PCDHGA11: variants seen among roughly 807,000 people sequenced by gnomAD.
The protein encoded by PCDHGA11 is protocadherin gamma subfamily A, 11.
Under a neutral mutation model 60.4 loss-of-function variants are expected in PCDHGA11, and 39 were observed. The observed-to-expected ratio is 0.65, with a 90% CI of 0.50 to 0.84. PCDHGA11 has a LOEUF of 0.84. Ranked by LOEUF, PCDHGA11 falls within the 40% of genes least tolerant of loss-of-function variation. The pLI, the probability that PCDHGA11 is intolerant of heterozygous loss-of-function variation, is 0.00. For synonymous variants in PCDHGA11, 533 were observed against 510.3 expected (o/e 1.04, Z -0.60); for missense variants, 1,165 against 1,197.7 (o/e 0.97, Z 0.40).
At chr5:141,504,500 GAGTGGATCT>G (rs2099838791) in intron 2 of PCDHGA11, among the ~76,000 whole-genome samples, 1 of 152,072 alleles carries the variant, frequency 6.6e-6, no homozygotes, top group Non-Finnish European at 1.5e-5. Context: ...TGCCCAGTCT[GAGTGGATCT>G]CCTCTGATAT....
In PCDHGA11 at chr5:141,472,994, A is replaced by G. The variant is rs188075835; in HGVS notation, c.2434-21813A>G. Among the ~76,000 whole-genome samples, 1,141 of 151,802 alleles carry G rather than the reference A, an allele frequency of 7.5e-3. 5 individuals carry two copies. The highest frequency in any genetic ancestry group is 0.017 in the Middle Eastern group (5 of 294). ...AGAGTGAAACTCAAAAAAAAAAAAA[A>G]AAAGAAAGAAAAAGAAAAAGAAAGA... On this transcript the variant is annotated intron_variant, in intron 1 of 3. Transcript: ENST00000398587.
rs1188941232 is a variant in PCDHGA11, at chr5:141,512,270, G to A, written c.*1097G>A. ...TCTGTGGGTGCTGGGTACTCCAGAG[G>A]TGCCACTGGTGGAAGGGTCAGCGGA... On this transcript the variant is annotated 3_prime_UTR_variant, in exon 4 of 4. Coordinates refer to ENST00000398587, the MANE Select transcript of PCDHGA11 (RefSeq NM_018914.3). The A allele has an allele frequency of 1.3e-5, 2 of 152,714 alleles. No individual in the cohort carries two copies. The highest frequency in any genetic ancestry group is 2.9e-5 in the Non-Finnish European group (2 of 68,100). The allele number at this position is 152,714 out of a possible 1,614,324, so 9.5% of individuals were successfully genotyped here.
rs1225012888 is a variant in PCDHGA11, at chr5:141,423,503, C to T, written c.2276C>T (p.Ser759Phe). ...CTGCAAACCTATTCCCACGAGGTCT[C>T]TCTCATTGCGGACTCGCAGAAGAGT... is the stretch of plus-strand genomic sequence containing the variant. ...AFLQTYSHEV[S>F]LIADSQKSHL... Residue 759 changes from serine to phenylalanine, a missense_variant, in exon 1 of 4, where the codon TCT becomes TTT. Coordinates refer to ENST00000398587, the MANE Select transcript of PCDHGA11 (RefSeq NM_018914.3). The T allele has an allele frequency of 1.2e-6, 2 of 1,613,984 alleles. No individual in the cohort carries two copies. Among genetic ancestry groups the T allele is most frequent in the South Asian group, 2.2e-5 (2 of 91,072 alleles).
At chr5:141,505,347 T>C in intron 2 of PCDHGA11, 46 bp from the exon 3 acceptor site, 4 of 1,613,346 alleles carry the variant, frequency 2.5e-6, no homozygotes, top group Non-Finnish European at 2.5e-6. Context: ...GGGCATGAGC[T>C]GTGCCGGCCT....
chr5:141,430,855 C>T, intron 1 of PCDHGA11: 7 of 1,588,596 alleles, frequency 4.4e-6, no homozygotes, highest in Non-Finnish European at 6.0e-6. Context: ...CCCAGATACG[C>T]TATTCAGTTC....
At chr5:141,446,288 G>C (rs1437669688) in intron 1 of PCDHGA11, among the ~76,000 whole-genome samples, 1 of 152,100 alleles carries the variant, frequency 6.6e-6, no homozygotes, top group Non-Finnish European at 1.5e-5. Flanking sequence ...GGATAAATGG[G>C]GAGCAGGGAT....
chr5:141,466,121 C>CA (rs908379481), intron 1 of PCDHGA11, among the ~76,000 whole-genome samples: 24 of 146,876 alleles, frequency 1.6e-4, no homozygotes, highest in East Asian at 8.0e-4. Context: ...GACTCCAGCT[C>CA]AAAAAAAAAA....
intron 1 of PCDHGA11, among the ~76,000 whole-genome samples, chr5:141,444,192 A>ATT: frequency 1.9e-5 from 1 of 52,730 alleles, no homozygotes; most frequent in African/African-American, 7.7e-5. Flanking sequence ...TTTTTTTGAG[A>ATT]TGGAGTTTCA....
intron 2 of PCDHGA11, among the ~76,000 whole-genome samples, chr5:141,502,002 C>T (rs1434269040): frequency 1.3e-5 from 2 of 152,164 alleles, no homozygotes; most frequent in South Asian, 2.1e-4. Context: ...CCTGACAACC[C>T]GCATGCTCTC....
At chr5:141,461,051 A>G (rs1238514064) in intron 1 of PCDHGA11, among the ~76,000 whole-genome samples, 1 of 151,734 alleles carries the variant, frequency 6.6e-6, no homozygotes, top group East Asian at 1.9e-4. Flanking sequence ...ATGGGGACTT[A>G]GGTTGGTTTC....
At chr5:141,424,776 A>C (rs1406581367) in intron 1 of PCDHGA11, 2 of 152,154 alleles carry the variant, frequency 1.3e-5, no homozygotes, top group African/African-American at 4.8e-5. Context: ...CAAATAGTAC[A>C]TTCAGTTCTT....
chr5:141,458,825 C>A (rs1417477907), intron 1 of PCDHGA11, among the ~76,000 whole-genome samples: 1 of 152,102 alleles, frequency 6.6e-6, no homozygotes, highest in Non-Finnish European at 1.5e-5. Context: ...CTCTGCCTCC[C>A]AGGCTCAAGT....
At position 141,490,293 on chromosome 5, in the gene PCDHGA11, ATTG is replaced by A; in HGVS notation, c.2434-4513_2434-4511del. The A allele has an allele frequency of 1.9e-6, 3 of 1,614,190 alleles. No individual in the cohort carries two copies. Among genetic ancestry groups the A allele is most frequent in the Non-Finnish European group, 2.5e-6 (3 of 1,180,028 alleles). On this transcript the variant is annotated intron_variant, in intron 1 of 3. Coordinates refer to ENST00000398587, the MANE Select transcript of PCDHGA11 (RefSeq NM_018914.3). The surrounding 1 kb of genome is among the most constrained non-coding windows in gnomAD (Gnocchi z 5.4). ...TCAATGACAATGCCCCAGAGGTGCTATTGGCCTCTTTGGCCAACCCTGTCCTAG... is the reference window on the plus strand; with the variant it reads ...TCAATGACAATGCCCCAGAGGTGCTAGCCTCTTTGGCCAACCCTGTCCTAG...
chr5:141,452,278 T>C (rs1047687328), intron 1 of PCDHGA11, among the ~76,000 whole-genome samples: 1 of 152,226 alleles, frequency 6.6e-6, no homozygotes, highest in African/African-American at 2.4e-5. Context: ...AACCCTTTCT[T>C]ACTTTCTGAT....
Position 141,487,687 on chromosome 5 carries a change from A to G in PCDHGA11, c.2434-7120A>G, listed in dbSNP as rs750431854. ...CAGGCATATGGCTAGGCCATGTCCTAGAGAGTACTGGCCTCTCAGTAAGTG... is the reference window on the plus strand; with the variant it reads ...CAGGCATATGGCTAGGCCATGTCCTGGAGAGTACTGGCCTCTCAGTAAGTG... On this transcript the variant is annotated intron_variant, in intron 1 of 3. Transcript: ENST00000398587. This position sits in a 1 kb window ranked among gnomAD's most constrained non-coding sequence, Gnocchi z 5.0. The G allele has an allele frequency of 1.9e-6, 3 of 1,606,256 alleles. No individual in the cohort carries two copies. The highest frequency in any genetic ancestry group is 3.4e-5 in the Admixed American group (2 of 58,832).
At position 141,493,841 on chromosome 5, in the gene PCDHGA11, T is replaced by C. The variant is rs774682943; in HGVS notation, c.2434-966T>C. On this transcript the variant is annotated intron_variant, in intron 1 of 3. Transcript: ENST00000398587. The surrounding 1 kb of genome is among the most constrained non-coding windows in gnomAD (Gnocchi z 4.3). ...CTCTGCTTCTGGGAGCAAGTATGAGTATTAATTACCAGCCCACCCCAGAAC... is the reference window on the plus strand; with the variant it reads ...CTCTGCTTCTGGGAGCAAGTATGAGCATTAATTACCAGCCCACCCCAGAAC... Among the ~76,000 whole-genome samples the C allele has an allele frequency of 3.3e-5, 5 of 152,140 alleles. No homozygotes were observed. In the East Asian group the frequency reaches 9.7e-4, roughly 29 times the overall value.
chr5:141,431,256 C>T lies in PCDHGA11; in HGVS notation c.2433+7596C>T. The stretch of plus-strand genomic sequence containing the variant: ...TGGGATCCGGATATCGGGAAGAACT[C>T]TCTGCAGAGCTACGAGCTCAGCCCG... On this transcript the variant is annotated intron_variant, in intron 1 of 3. Transcript: ENST00000398587. This position sits in a 1 kb window ranked among gnomAD's most constrained non-coding sequence, Gnocchi z 4.8. The T allele has an allele frequency of 6.2e-7, 1 of 1,614,194 alleles. No homozygotes were observed. Among genetic ancestry groups the T allele is most frequent in the South Asian group, 1.1e-5 (1 of 91,088 alleles).
chr5:141,437,938 A>G (rs1042890704), intron 1 of PCDHGA11, among the ~76,000 whole-genome samples: 4 of 152,132 alleles, frequency 2.6e-5, no homozygotes, highest in African/African-American at 9.7e-5. Flanking sequence ...GGGTTTCACC[A>G]TATTGGCCAG....
chr5:141,486,940 A>T lies in PCDHGA11; in HGVS notation c.2434-7867A>T. ...CTCCATCAGTTGGTGCTGGCCACCTAATCACAAAGGTGACTGCTGTGGACT... is the reference window on the plus strand; with the variant it reads ...CTCCATCAGTTGGTGCTGGCCACCTTATCACAAAGGTGACTGCTGTGGACT... On this transcript the variant is annotated intron_variant, in intron 1 of 3. Coordinates refer to ENST00000398587, the MANE Select transcript of PCDHGA11 (RefSeq NM_018914.3). This position sits in a 1 kb window ranked among gnomAD's most constrained non-coding sequence, Gnocchi z 5.0. 6.2e-7 allele frequency: 1 copy of T among 1,614,188 alleles called. No homozygotes were observed. Among genetic ancestry groups the T allele is most frequent in the Non-Finnish European group, 8.5e-7 (1 of 1,180,032 alleles).
Sources: gnomAD v4.1 joint callset for allele counts (sites outside exome capture counted in the v4.1 genomes callset) on GRCh38, gnomAD v4.1.1 for gene constraint, Gnocchi (gnomAD v3.1) non-coding constraint, MANE v1.5 for transcripts, NCBI Gene and HGNC (gene_info 2026-07-23, HGNC 2026-07-21) for gene names.